FRMD4A: variants seen among roughly 807,000 people sequenced by gnomAD.
FRMD4A encodes the protein FERM domain-containing protein 4A.
FRMD4A carries 29 observed loss-of-function variants against 129.1 expected under a neutral mutation model. The observed-to-expected ratio is 0.22, with a 90% CI of 0.17 to 0.31. The LOEUF (loss-of-function observed/expected upper bound fraction) is 0.31. FRMD4A is among the 10% of genes least tolerant of loss of function. The probability of loss-of-function intolerance (pLI) is 1.00; values close to 1 mark genes in which losing one functional copy is unlikely to be tolerated. For missense variants in FRMD4A, 1,272 were observed against 1,375.8 expected (o/e 0.92, Z 1.19); for synonymous variants, 634 against 571.6 (o/e 1.11, Z -1.56).
intron 2 of FRMD4A, among the ~76,000 whole-genome samples, chr10:14,157,506 G>A (rs1387429878): frequency 1.3e-5 from 2 of 152,152 alleles, no homozygotes; most frequent in East Asian, 3.9e-4. Flanking sequence ...GTTTTAGAAT[G>A]GGGATGATCA....
At chr10:13,680,683 G>A (rs571316432) in intron 15 of FRMD4A, among the ~76,000 whole-genome samples, 7 of 152,038 alleles carry the variant, frequency 4.6e-5, no homozygotes, top group East Asian at 1.9e-4. Context: ...CTGAGATGGC[G>A]CCACTGCACT....
At chr10:13,836,472 T>G (rs966322370) in intron 3 of FRMD4A, among the ~76,000 whole-genome samples, 6 of 152,192 alleles carry the variant, frequency 3.9e-5, no homozygotes, top group Admixed American at 2.0e-4. Context: ...GACAATTCTT[T>G]GGGGGGCGCG....
intron 2 of FRMD4A, among the ~76,000 whole-genome samples, chr10:14,100,417 T>G (rs1439765025): frequency 6.6e-6 from 1 of 152,186 alleles, no homozygotes; most frequent in Non-Finnish European, 1.5e-5. Context: ...TCTATCATTA[T>G]CTGCAAGGAT....
intron 2 of FRMD4A, chr10:14,083,702 T>C (rs1415062413): frequency 2.6e-5 from 4 of 152,216 alleles, no homozygotes; most frequent in African/African-American, 9.6e-5. Flanking sequence ...GATGAGGAGA[T>C]GCTTCCGGCA....
intron 2 of FRMD4A, among the ~76,000 whole-genome samples, chr10:14,093,968 C>G (rs1432987172): frequency 1.3e-5 from 2 of 152,230 alleles, no homozygotes; most frequent in Non-Finnish European, 2.9e-5. Flanking sequence ...AAGACAACAG[C>G]TTTCACCAGT....
chr10:13,885,294 G>A (rs1016705322), intron 2 of FRMD4A, among the ~76,000 whole-genome samples: 9 of 152,302 alleles, frequency 5.9e-5, no homozygotes, highest in Middle Eastern at 3.4e-3. Context: ...TCCTCCGAAT[G>A]TCACTTATAA....
intron 2 of FRMD4A, among the ~76,000 whole-genome samples, chr10:13,910,329 C>G (rs1407892399): frequency 6.6e-6 from 1 of 152,184 alleles, no homozygotes; most frequent in Non-Finnish European, 1.5e-5. Flanking sequence ...GCTGAGGCAG[C>G]CTAGTTATCT....
chr10:14,246,005 CTGCCTT>C (rs1294148894), intron 2 of FRMD4A, among the ~76,000 whole-genome samples: 1 of 152,160 alleles, frequency 6.6e-6, no homozygotes, highest in Non-Finnish European at 1.5e-5. Context: ...CCTCCGTCAT[CTGCCTT>C]TGCCATCATC....
chr10:13,892,464 T>A (rs1339063947), intron 2 of FRMD4A, among the ~76,000 whole-genome samples: 1 of 151,936 alleles, frequency 6.6e-6, no homozygotes, highest in East Asian at 1.9e-4. Context: ...GCTGACACGT[T>A]GTCTTTCCAA....
At chr10:14,193,567 T>C (rs560412036) in intron 2 of FRMD4A, among the ~76,000 whole-genome samples, 1 of 151,720 alleles carries the variant, frequency 6.6e-6, no homozygotes, top group Admixed American at 6.6e-5. Flanking sequence ...CATATGGTTT[T>C]TGAAGAACAT....
intron 2 of FRMD4A, among the ~76,000 whole-genome samples, chr10:14,207,379 G>T (rs1842813214): frequency 6.6e-6 from 1 of 151,984 alleles, no homozygotes; most frequent in Non-Finnish European, 1.5e-5. Context: ...TTATTACATT[G>T]TAATATATAA....
chr10:13,831,537 G>T (rs773420762), intron 3 of FRMD4A, among the ~76,000 whole-genome samples: 3 of 152,340 alleles, frequency 2.0e-5, no homozygotes, highest in Middle Eastern at 3.4e-3. Flanking sequence ...AAGGTTTTCT[G>T]AACTGTTGTG....
intron 2 of FRMD4A, among the ~76,000 whole-genome samples, chr10:13,936,191 T>C (rs899983391): frequency 2.0e-5 from 3 of 152,194 alleles, no homozygotes; most frequent in Non-Finnish European, 4.4e-5. Flanking sequence ...GAAAGCTTCC[T>C]GGAGGAGTCA....
At chr10:14,283,357 T>C (rs995046487) in intron 2 of FRMD4A, among the ~76,000 whole-genome samples, 2 of 152,210 alleles carry the variant, frequency 1.3e-5, no homozygotes, top group Admixed American at 6.5e-5. Flanking sequence ...GAAAAGCTGA[T>C]CACTGAAAAG....
At chr10:14,250,781 G>T (rs753743733) in intron 2 of FRMD4A, among the ~76,000 whole-genome samples, 2 of 152,200 alleles carry the variant, frequency 1.3e-5, no homozygotes, top group Non-Finnish European at 2.9e-5. Context: ...GGCACAGTGA[G>T]CAGAGAGGGA....
chr10:14,289,266 C>A (rs1276664946), intron 2 of FRMD4A, among the ~76,000 whole-genome samples: 12 of 152,230 alleles, frequency 7.9e-5, no homozygotes, highest in Non-Finnish European at 1.6e-4. Flanking sequence ...TTATTCGTAT[C>A]TCACCAATAT....
chr10:14,325,283 G>A (rs973082599), intron 2 of FRMD4A, among the ~76,000 whole-genome samples: 2 of 152,160 alleles, frequency 1.3e-5, no homozygotes, highest in Admixed American at 6.5e-5. Context: ...ACCTCTCACA[G>A]GTCAAATGTA....
intron 6 of FRMD4A, among the ~76,000 whole-genome samples, chr10:13,774,498 T>C (rs1415603474): frequency 1.3e-5 from 2 of 152,174 alleles, no homozygotes; most frequent in Non-Finnish European, 2.9e-5. Context: ...CTATACCCAG[T>C]GTGGAGACTG....
intron 12 of FRMD4A, among the ~76,000 whole-genome samples, chr10:13,733,050 G>C (rs1270392180): frequency 6.6e-6 from 1 of 152,340 alleles, no homozygotes; most frequent in Middle Eastern, 3.4e-3. Context: ...GTACAGCGGA[G>C]GTTAAGAGCC....
Sources: gnomAD v4.1 joint callset for allele counts (sites outside exome capture counted in the v4.1 genomes callset) on GRCh38, gnomAD v4.1.1 for gene constraint, MANE v1.5 for transcripts, NCBI Gene and HGNC (gene_info 2026-07-23, HGNC 2026-07-21) for gene names.